CFAP57: variants seen among roughly 807,000 people sequenced by gnomAD.
CFAP57 encodes the protein cilia- and flagella-associated protein 57.
CFAP57 carries 116 observed loss-of-function variants against 146.8 expected under a neutral mutation model. The observed-to-expected ratio is 0.79, with a 90% CI of 0.68 to 0.92. CFAP57 has a LOEUF of 0.92. Ranked by LOEUF, CFAP57 falls within the 40% of genes least tolerant of loss-of-function variation. The probability of loss-of-function intolerance (pLI) is 0.00; values close to 1 mark genes in which losing one functional copy is unlikely to be tolerated. For synonymous variants in CFAP57, 518 were observed against 552.8 expected (o/e 0.94, Z 0.88); for missense variants, 1,377 against 1,527.2 (o/e 0.90, Z 1.64).
rs201882844 is a variant in CFAP57 at position 43,219,472 on chromosome 1, G to A, written c.2182G>A (p.Glu728Lys). Reference protein sequence around the residue: ...QLRLKDMNYSEKIKELTDKFI... With the variant: ...QLRLKDMNYSKKIKELTDKFI... ...CCGACTAAAGGACATGAACTATTCTGAGAAGATTAAGGAGCTAACAGACAA... is the reference window on the plus strand; with the variant it reads ...CCGACTAAAGGACATGAACTATTCTAAGAAGATTAAGGAGCTAACAGACAA... The change falls in exon 13 of 23, where the codon GAG (glutamate) becomes AAG (lysine). Residue 728 changes from glutamate (E) to lysine (K), a missense_variant. Glu to Lys is a moderately conservative substitution (Grantham distance 56). Transcript: ENST00000372492. The A allele has an allele frequency of 1.4e-4, 215 of 1,550,466 alleles. No homozygotes were observed. The highest frequency in any genetic ancestry group is 1.8e-4 in the Non-Finnish European group (203 of 1,147,004).
intron 2 of CFAP57, chr1:43,177,185 A>G: frequency 2.2e-6 from 1 of 456,372 alleles, no homozygotes; most frequent in Non-Finnish European, 4.4e-6. Flanking sequence ...CAGGGAGAAC[A>G]GCTGAGGGAT....
In CFAP57 at chr1:43,217,656, G is replaced by A. The variant is rs78171242; in HGVS notation, c.2092-1726G>A. On this transcript the variant is annotated intron_variant, in intron 12 of 22. Transcript: ENST00000372492. ...TCTCCAACCTCTCCATTCCTCTCTG[G>A]TCCCCTTCCCTACCTCAGTCCAAAC... Among the ~76,000 whole-genome samples the A allele has an allele frequency of 6.2e-3, 937 of 151,858 alleles. 5 individuals are homozygous for A. Among genetic ancestry groups the A allele is most frequent in the Middle Eastern group, 0.01 (3 of 294 alleles).
rs200649895 is a variant in CFAP57 at position 43,215,170 on chromosome 1, G to GT, written c.1930-85_1930-84insT. On this transcript the variant is annotated intron_variant, in intron 11 of 22. Transcript: ENST00000372492. ...GTGAGGCTGTGCCCAGGATTGCATG[G>GT]GGGGAAGCCTTGCGCAACAGCTGGC... 3,660 of 1,499,062 alleles carry GT rather than the reference G, an allele frequency of 2.4e-3. 21 individuals are homozygous for GT. The highest frequency in any genetic ancestry group is 0.01 in the South Asian group (849 of 82,334). 92.9% of individuals were successfully genotyped at this position (1,499,062 alleles called of 1,614,324 possible).
In CFAP57 at chr1:43,183,801, C is replaced by G. The variant is rs774485511; in HGVS notation, c.685C>G (p.Arg229Gly). Residue 229 changes from arginine to glycine, a missense_variant, in exon 4 of 23, where the codon CGT (arginine) becomes GGT (glycine). Arg to Gly is a moderately radical substitution (Grantham distance 125, BLOSUM62 -2). Transcript: ENST00000372492. ...CTTCCTCTTTGAATCTGGAGATCAGCGTTGGGAGACCAGCATAATGGTCAA... is the reference window on the plus strand; with the variant it reads ...CTTCCTCTTTGAATCTGGAGATCAGGGTTGGGAGACCAGCATAATGGTCAA... ...KLFLFESGDQ[R>G]WETSIMVKEP... 1.2e-6 allele frequency: 2 copies of G among 1,614,184 alleles called. No homozygotes were observed. The highest frequency in any genetic ancestry group is 8.5e-7 in the Non-Finnish European group (1 of 1,180,030).
At chr1:43,215,037 A>G (rs961033232) in intron 11 of CFAP57, among the ~76,000 whole-genome samples, 12 of 152,174 alleles carry the variant, frequency 7.9e-5, no homozygotes, top group Non-Finnish European at 1.8e-4. Context: ...GACTCTTCAG[A>G]TTCCAAATCC....
At position 43,172,900 on chromosome 1, in the gene CFAP57, A is replaced by C; in HGVS notation, c.147A>C (p.Lys49Asn). ...ACAATGTGGATCAGAAATGGCAAAA[A>C]TTCATTCCAGGTAAAACTTTTTCCA... ...VKYNVDQKWQ[K>N]FIPGSEKSQG... The change falls in exon 2 of 23, where the codon AAA becomes AAC. Residue 49 changes from lysine (K) to asparagine (N), a missense_variant. Coordinates refer to ENST00000372492, the MANE Select transcript of CFAP57 (RefSeq NM_001378189.1). The C allele has an allele frequency of 6.2e-7, 1 of 1,614,126 alleles. No homozygotes were observed. The highest frequency in any genetic ancestry group is 8.5e-7 in the Non-Finnish European group (1 of 1,179,966).
At chr1:43,233,672 A>G (rs1198921) in intron 19 of CFAP57, among the ~76,000 whole-genome samples, 21,714 of 152,062 alleles carry the variant, frequency 0.14, 1,903 homozygotes, top group African/African-American at 0.24. Flanking sequence ...AGAGGTAGAA[A>G]ACGATGGAAC....
chr1:43,227,376 C>G (rs72637945), intron 18 of CFAP57, among the ~76,000 whole-genome samples: 9 of 152,334 alleles, frequency 5.9e-5, no homozygotes, highest in East Asian at 5.8e-4. Flanking sequence ...TGGCCCTACC[C>G]GTGCCTCAGT....
intron 8 of CFAP57, 28 bp from the exon 9 acceptor site, chr1:43,199,362 C>T: frequency 6.2e-7 from 1 of 1,606,132 alleles, no homozygotes; most frequent in Non-Finnish European, 8.5e-7. Flanking sequence ...TTCCTGCTTG[C>T]TTGCTCTCTT....
intron 6 of CFAP57, among the ~76,000 whole-genome samples, chr1:43,191,771 C>T (rs1643549977): frequency 6.7e-6 from 1 of 148,446 alleles, no homozygotes; most frequent in Non-Finnish European, 1.5e-5. Context: ...CTGTTTCCTT[C>T]CTTTGGCTTG....
At chr1:43,197,091 C>T (rs11210809) in intron 6 of CFAP57, among the ~76,000 whole-genome samples, 1,592 of 152,124 alleles carry the variant, frequency 0.01, 18 homozygotes, top group Non-Finnish European at 0.013. Flanking sequence ...TGGTGGCTCA[C>T]GCCTGTAATC....
Position 43,206,808 on chromosome 1 carries a change from GA to G in CFAP57, c.1634del (p.Lys545ArgfsTer41). The G allele has an allele frequency of 6.2e-7, 1 of 1,614,172 alleles. No homozygotes were observed. The highest frequency in any genetic ancestry group is 8.5e-7 in the Non-Finnish European group (1 of 1,180,034). On this transcript the variant is annotated frameshift_variant, in exon 10 of 23. Coordinates refer to ENST00000372492, the MANE Select transcript of CFAP57 (RefSeq NM_001378189.1). LOFTEE classifies it high-confidence loss of function. ...GAVYEWNLST[G>X]KRETECVLKS... The stretch of plus-strand genomic sequence containing the variant: ...GTGTATGAATGGAATCTGTCCACAG[GA>G]AAGAGAGAGACAGAATGCGTGCTCA...
At chr1:43,243,450 T>C in intron 22 of CFAP57, 91 bp downstream of exon 22, 1 of 1,357,472 alleles carries the variant, frequency 7.4e-7, no homozygotes, top group South Asian at 1.7e-5. Flanking sequence ...TCCTTCTGTA[T>C]CAGGTCCCAT....
At chr1:43,218,493 A>G (rs1316931777) in intron 12 of CFAP57, among the ~76,000 whole-genome samples, 1 of 152,044 alleles carries the variant, frequency 6.6e-6, no homozygotes, top group Non-Finnish European at 1.5e-5. Flanking sequence ...CTGTAGTCCC[A>G]GCTACTTGGC....
rs778389637 is a variant in CFAP57, at chr1:43,206,919, T to C, written c.1742T>C (p.Ile581Thr). The change falls in exon 10 of 23, where the codon ATT (isoleucine) becomes ACT (threonine). Residue 581 changes from isoleucine (I) to threonine (T), a missense_variant. Coordinates refer to ENST00000372492, the MANE Select transcript of CFAP57 (RefSeq NM_001378189.1). ...GGATCAGACCACACCCTCAAGGAGATTGCAGATTCCTTGGTGAGTCTGCCC... is the reference window on the plus strand; with the variant it reads ...GGATCAGACCACACCCTCAAGGAGACTGCAGATTCCTTGGTGAGTCTGCCC... ...AVGSDHTLKEIADSLILREIS... is the reference protein window; with the variant it reads ...AVGSDHTLKETADSLILREIS... 7 of 1,613,860 alleles carry C rather than the reference T, an allele frequency of 4.3e-6. No individual in the cohort carries two copies. The highest frequency in any genetic ancestry group is 4.5e-5 in the East Asian group (2 of 44,866).
intron 9 of CFAP57, 120 bp downstream of exon 9, chr1:43,199,623 T>C (rs1644028798): frequency 2.3e-6 from 2 of 881,910 alleles, no homozygotes; most frequent in Non-Finnish European, 3.8e-6. Flanking sequence ...CACTGTCTAC[T>C]TGGGGAAAGA....
intron 6 of CFAP57, among the ~76,000 whole-genome samples, chr1:43,195,829 G>C (rs906226249): frequency 6.6e-6 from 1 of 152,168 alleles, no homozygotes; most frequent in Non-Finnish European, 1.5e-5. Flanking sequence ...AAATCCTTTT[G>C]TTGGTGCCTA....
intron 13 of CFAP57, 121 bp downstream of exon 13, chr1:43,219,658 T>C: frequency 8.1e-7 from 1 of 1,239,428 alleles, no homozygotes; most frequent in Non-Finnish European, 1.1e-6. Flanking sequence ...TGTCCAATTT[T>C]AAAGCATAGT....
intron 5 of CFAP57, 56 bp downstream of exon 5, chr1:43,185,412 C>G (rs1642988626): frequency 7.8e-6 from 12 of 1,530,042 alleles, no homozygotes; most frequent in Non-Finnish European, 1.1e-5. Flanking sequence ...CATTTGTTCC[C>G]CAGCAGCAGT....
Sources: allele counts gnomAD v4.1 joint callset (sites outside exome capture counted in the v4.1 genomes callset), GRCh38; gene constraint gnomAD v4.1.1; transcripts MANE v1.5; gene names NCBI Gene and HGNC (gene_info 2026-07-23, HGNC 2026-07-21).